The following RAB10 variants were observed in gnomAD, a reference collection of about 807,000 sequenced individuals.
RAB10 encodes ras-related protein Rab-10.
RAB10 carries 5 observed loss-of-function variants against 25.7 expected under a neutral mutation model. The ratio of observed to expected loss-of-function variants is 0.19; its 90% CI spans 0.10 to 0.41. The LOEUF is 0.41. Ranked by LOEUF, RAB10 falls within the 10% of genes least tolerant of loss-of-function variation. The pLI is 1.00. For missense variants in RAB10, 103 were observed against 245.8 expected (o/e 0.42, Z 3.89); for synonymous variants, 89 against 86.4 (o/e 1.03, Z -0.16).
chr2:26,057,723 A>G (rs1207827073), intron 1 of RAB10, among the ~76,000 whole-genome samples: 1 of 151,754 alleles, frequency 6.6e-6, no homozygotes, highest in African/African-American at 2.4e-5. Flanking sequence ...CCCGAGTTCA[A>G]GTGATTCTCT....
chr2:26,085,643 C>T (rs553925627), intron 1 of RAB10, among the ~76,000 whole-genome samples: 15 of 151,956 alleles, frequency 9.9e-5, no homozygotes, highest in South Asian at 4.2e-4. Context: ...AGTAAAAAGA[C>T]GGTACAGAAT....
intron 2 of RAB10, among the ~76,000 whole-genome samples, chr2:26,108,784 A>C (rs1559595313): frequency 6.6e-6 from 1 of 152,152 alleles, no homozygotes; most frequent in African/African-American, 2.4e-5. Context: ...GTAAGGCTGT[A>C]ATTATTTCAA....
chr2:26,070,023 A>G (rs1035613785), intron 1 of RAB10, among the ~76,000 whole-genome samples: 6 of 152,168 alleles, frequency 3.9e-5, no homozygotes, highest in African/African-American at 1.4e-4. Flanking sequence ...ACTTTTGACA[A>G]TAATCTTGGT....
chr2:26,127,075 G>A, intron 3 of RAB10, 69 bp from the exon 4 acceptor site: 2 of 1,197,140 alleles, frequency 1.7e-6, no homozygotes, highest in Non-Finnish European at 2.4e-6. Flanking sequence ...AGAGAATAAA[G>A]TCACTTTTAA....
rs528228757 is a variant in RAB10 at position 26,094,128 on chromosome 2, G to A, written c.128-4534G>A. On this transcript the variant is annotated intron_variant, in intron 1 of 5. Coordinates refer to ENST00000264710, the MANE Select transcript of RAB10 (RefSeq NM_016131.5). The stretch of plus-strand genomic sequence containing the variant: ...GGTCTTAAACTCCTGGACTCAAGCA[G>A]TCCTCTTACCTTGGCCTGCCAAAGT... Among the ~76,000 whole-genome samples the A allele has an allele frequency of 4.3e-4, 65 of 152,052 alleles. 2 individuals carry two copies. In the South Asian group the frequency reaches 0.013, roughly 30 times the overall value.
intron 3 of RAB10, among the ~76,000 whole-genome samples, chr2:26,119,668 T>C (rs6742226): frequency 0.76 from 115,788 of 151,936 alleles, 44,229 homozygotes; most frequent in East Asian, 0.87. Context: ...ACCACAAGCG[T>C]GCTATATCAT....
chr2:26,072,702 C>A (rs1159635114), intron 1 of RAB10, among the ~76,000 whole-genome samples: 1 of 152,120 alleles, frequency 6.6e-6, no homozygotes, highest in Non-Finnish European at 1.5e-5. Context: ...TTGTATGCTT[C>A]ATCAGCCAAA....
intron 1 of RAB10, among the ~76,000 whole-genome samples, chr2:26,057,785 A>G (rs1478747927): frequency 6.6e-6 from 1 of 152,098 alleles, no homozygotes; most frequent in Non-Finnish European, 1.5e-5. Context: ...AACCACACCC[A>G]GCTAATTTTT....
intron 3 of RAB10, among the ~76,000 whole-genome samples, chr2:26,118,663 G>A (rs747936163): frequency 1.3e-5 from 2 of 152,184 alleles, no homozygotes; most frequent in Non-Finnish European, 2.9e-5. Context: ...TTGTCAATAT[G>A]TGGAGATATT....
At chr2:26,108,812 T>C (rs1667514988) in intron 2 of RAB10, among the ~76,000 whole-genome samples, 1 of 152,078 alleles carries the variant, frequency 6.6e-6, no homozygotes, top group Non-Finnish European at 1.5e-5. Flanking sequence ...GTTTTAAAAA[T>C]ATTAACTCGA....
At chr2:26,056,277 C>T (rs2149265632) in intron 1 of RAB10, among the ~76,000 whole-genome samples, 1 of 152,246 alleles carries the variant, frequency 6.6e-6, no homozygotes, top group African/African-American at 2.4e-5. Context: ...CGGCTCACTG[C>T]AACCTGCGCC....
At chr2:26,081,011 C>T (rs187453491) in intron 1 of RAB10, among the ~76,000 whole-genome samples, 65 of 152,240 alleles carry the variant, frequency 4.3e-4, no homozygotes, top group Admixed American at 2.0e-3. Context: ...TGGGAGGAAC[C>T]TGGTGGGAGG....
chr2:26,065,533 TTTGA>T (rs575365881), intron 1 of RAB10, among the ~76,000 whole-genome samples: 556 of 152,334 alleles, frequency 3.6e-3, no homozygotes, highest in African/African-American at 0.013. Context: ...TATTGAATAC[TTTGA>T]TTGAATATTT....
At chr2:26,120,244 C>T (rs1667773472) in intron 3 of RAB10, among the ~76,000 whole-genome samples, 1 of 152,134 alleles carries the variant, frequency 6.6e-6, no homozygotes, top group African/African-American at 2.4e-5. Context: ...TTACAGGTCA[C>T]TGTGATAATT....
chr2:26,083,103 C>T (rs931816591), intron 1 of RAB10, among the ~76,000 whole-genome samples: 23 of 152,152 alleles, frequency 1.5e-4, no homozygotes, highest in Non-Finnish European at 2.6e-4. Flanking sequence ...ACAGTTAACA[C>T]ACTTTAATGG....
At chr2:26,089,076 A>G (rs781565322) in intron 1 of RAB10, among the ~76,000 whole-genome samples, 8 of 152,182 alleles carry the variant, frequency 5.3e-5, no homozygotes, top group Admixed American at 3.3e-4. Flanking sequence ...ACTGGAGGGA[A>G]TAAGACTGGA....
chr2:26,102,342 G>A (rs1667358907), intron 2 of RAB10, among the ~76,000 whole-genome samples: 1 of 151,810 alleles, frequency 6.6e-6, no homozygotes, highest in Admixed American at 6.6e-5. Context: ...TAGAATGAAA[G>A]AATGGGATAT....
intron 5 of RAB10, among the ~76,000 whole-genome samples, chr2:26,129,124 G>T (rs1004677532): frequency 6.6e-6 from 1 of 152,036 alleles, no homozygotes; most frequent in Non-Finnish European, 1.5e-5. Flanking sequence ...ACAAAAATTA[G>T]CTGGGTGTGG....
intron 1 of RAB10, among the ~76,000 whole-genome samples, chr2:26,089,920 G>A (rs953914929): frequency 3.9e-5 from 6 of 151,978 alleles, no homozygotes; most frequent in South Asian, 2.1e-4. Flanking sequence ...TTTACAGTTC[G>A]TTGTTACATT....
Sources: allele counts gnomAD v4.1 joint callset (sites outside exome capture counted in the v4.1 genomes callset), GRCh38; gene constraint gnomAD v4.1.1; transcripts MANE v1.5; gene names NCBI Gene and HGNC (gene_info 2026-07-23, HGNC 2026-07-21).